The following TGFBR2 variants were observed in gnomAD, a reference collection of about 807,000 sequenced individuals.
TGFBR2 encodes TGF-beta receptor type-2.
TGFBR2 carries 18 observed loss-of-function variants against 49.0 expected under a neutral mutation model. That is an observed-to-expected ratio of 0.37 (90% CI 0.25 to 0.54). The LOEUF is 0.54. Among genes scored for constraint, TGFBR2 ranks in the 20% least tolerant of loss-of-function variants. The probability of loss-of-function intolerance (pLI) is 0.85; values close to 1 mark genes in which losing one functional copy is unlikely to be tolerated. For synonymous variants in TGFBR2, 282 were observed against 275.9 expected, an observed-to-expected ratio of 1.02 and a Z score of -0.22; for missense variants, 525 against 722.6, an observed-to-expected ratio of 0.73 and a Z score of 3.13.
chr3:30,674,047 G>A (rs1699388474), intron 4 of TGFBR2, 58 bp from the exon 5 acceptor site: 1 of 1,612,814 alleles, frequency 6.2e-7, no homozygotes, highest in Non-Finnish European at 8.5e-7. Context: ...GCTATATTGT[G>A]AAAATAAAAA....
In TGFBR2 at chr3:30,671,936, G is replaced by T. The variant is rs766766633; in HGVS notation, c.753G>T (p.Gly251=). 4.3e-6 allele frequency: 7 copies of T among 1,614,186 alleles called. No homozygotes were observed. The highest frequency in any genetic ancestry group is 5.9e-6 in the Non-Finnish European group (7 of 1,180,034). ...CCATTGAGCTGGACACCCTGGTGGG[G>T]AAAGGTCGCTTTGCTGAGGTCTATA... ...LLPIELDTLV[G]KGRFAEVYKA... The change falls in exon 4 of 7, where the codon GGG becomes GGT. Residue 251 remains glycine, a synonymous_variant. Coordinates refer to ENST00000295754, the MANE Select transcript of TGFBR2 (RefSeq NM_003242.6).
In TGFBR2 at chr3:30,672,112, C is replaced by G. The variant is rs2125435156; in HGVS notation, c.929C>G (p.Ala310Gly). ...KHENILQFLT[A>G]EERKTELGKQ... Reference sequence around the variant, plus strand: ...GAGAACATACTCCAGTTCCTGACGGCTGAGGAGCGGAAGACGGAGTTGGGG... The same window carrying G: ...GAGAACATACTCCAGTTCCTGACGGGTGAGGAGCGGAAGACGGAGTTGGGG... The change falls in exon 4 of 7, where the codon GCT becomes GGT. Residue 310 changes from alanine to glycine, a missense_variant. Ala to Gly is a moderately conservative substitution (Grantham distance 60). Around this residue, in one of 3 missense-constraint regions of TGFBR2, gnomAD observed 376 missense variants for 478.2 expected, o/e 0.79. Coordinates refer to ENST00000295754, the MANE Select transcript of TGFBR2 (RefSeq NM_003242.6). The surrounding 1 kb of genome is among the most constrained non-coding windows in gnomAD (Gnocchi z 4.5). 1 of 1,614,230 alleles carries G rather than the reference C, an allele frequency of 6.2e-7. No homozygotes were observed. The highest frequency in any genetic ancestry group is 1.1e-5 in the South Asian group (1 of 91,086).
chr3:30,647,100 G>T (rs920337268), intron 2 of TGFBR2, among the ~76,000 whole-genome samples: 1 of 152,130 alleles, frequency 6.6e-6, no homozygotes, highest in Non-Finnish European at 1.5e-5. Context: ...TCATGACCAA[G>T]GCACTCATTC....
At chr3:30,628,427 G>C (rs1348406729) in intron 1 of TGFBR2, among the ~76,000 whole-genome samples, 1 of 145,196 alleles carries the variant, frequency 6.9e-6, no homozygotes, top group Non-Finnish European at 1.5e-5. Context: ...CACCCACCTT[G>C]GTCACCTCTG....
At chr3:30,663,790 C>G (rs1699189445) in intron 3 of TGFBR2, among the ~76,000 whole-genome samples, 1 of 152,108 alleles carries the variant, frequency 6.6e-6, no homozygotes, top group African/African-American at 2.4e-5. Context: ...TATAGTAATT[C>G]ACTAAGCCAG....
At chr3:30,686,769 T>G (rs2125450148) in intron 5 of TGFBR2, among the ~76,000 whole-genome samples, 1 of 152,350 alleles carries the variant, frequency 6.6e-6, no homozygotes, top group African/African-American at 2.4e-5. Flanking sequence ...AGGCATGTTT[T>G]AGTACTGGGA....
rs750900429 is a variant in TGFBR2 at position 30,650,260 on chromosome 3, T to A, written c.264-10T>A. On this transcript the variant is annotated splice_polypyrimidine_tract_variant and intron_variant, in intron 2 of 6. Coordinates refer to ENST00000295754, the MANE Select transcript of TGFBR2 (RefSeq NM_003242.6). ...TCTCCCCTCGCTTCCAATGAATCTC[T>A]TCACTCTAGGAGAAAGAATGACGAG... The A allele has an allele frequency of 1.2e-6, 2 of 1,613,372 alleles. No individual in the cohort carries two copies. The highest frequency in any genetic ancestry group is 3.3e-5 in the Admixed American group (2 of 60,008).
chr3:30,661,660 A>C (rs1699134337), intron 3 of TGFBR2: 1 of 484,046 alleles, frequency 2.1e-6, no homozygotes, highest in African/African-American at 2.0e-5. Context: ...GTCATTTTGA[A>C]ATCAGGATGA....
chr3:30,658,828 C>T (rs897476584), intron 3 of TGFBR2, among the ~76,000 whole-genome samples: 2 of 152,194 alleles, frequency 1.3e-5, no homozygotes, highest in African/African-American at 2.4e-5. Flanking sequence ...GCTAGCAGAA[C>T]ATCTCAGCCA....
chr3:30,619,045 T>G (rs868646765), intron 1 of TGFBR2, among the ~76,000 whole-genome samples: 5 of 152,342 alleles, frequency 3.3e-5, no homozygotes, highest in South Asian at 2.1e-4. Context: ...CCAAATAATT[T>G]TATTTTCTGA....
intron 3 of TGFBR2, among the ~76,000 whole-genome samples, chr3:30,663,088 G>A (rs900186557): frequency 1.3e-5 from 2 of 152,098 alleles, no homozygotes; most frequent in Admixed American, 1.3e-4. Flanking sequence ...TATGTAACAT[G>A]CCAACAAAAT....
At chr3:30,682,532 AAG>A (rs1185824255) in intron 5 of TGFBR2, among the ~76,000 whole-genome samples, 2 of 152,152 alleles carry the variant, frequency 1.3e-5, no homozygotes, top group African/African-American at 2.4e-5. Context: ...AGTTCTTCAC[AAG>A]AGAGAGGCCC....
intron 1 of TGFBR2, among the ~76,000 whole-genome samples, chr3:30,613,248 C>T (rs1241123477): frequency 2.6e-5 from 4 of 151,470 alleles, no homozygotes; most frequent in Non-Finnish European, 2.9e-5. Flanking sequence ...TGTCCTGGGC[C>T]TTAGATGGTA....
At position 30,644,840 on chromosome 3, in the gene TGFBR2, A is replaced by G. The variant is rs1432089303; in HGVS notation, c.188A>G (p.Asn63Ser). Reference protein sequence around the residue: ...FCDVRFSTCDNQKSCMSNCSI... With the variant: ...FCDVRFSTCDSQKSCMSNCSI... ...GATGTGAGATTTTCCACCTGTGACA[A>G]CCAGAAATCCTGCATGAGCAACTGC... Residue 63 changes from asparagine (N) to serine (S), a missense_variant, in exon 2 of 7, where the codon AAC (asparagine) becomes AGC (serine). Transcript: ENST00000295754. The G allele has an allele frequency of 2.5e-6, 4 of 1,614,052 alleles. No individual in the cohort carries two copies. In the East Asian group the frequency reaches 6.7e-5, roughly 27 times the overall value.
rs375226321 is a variant in TGFBR2, at chr3:30,691,521, G to T, written c.1626G>T (p.Glu542Asp). The T allele has an allele frequency of 8.1e-6, 13 of 1,614,162 alleles. No individual in the cohort carries two copies. The highest frequency in any genetic ancestry group is 1.1e-5 in the Non-Finnish European group (13 of 1,180,014). The change falls in exon 7 of 7, where the codon GAG becomes GAT. Residue 542 changes from glutamate (E) to aspartate (D), a missense_variant. Glu to Asp is a conservative substitution (Grantham distance 45). Around this residue, in one of 3 missense-constraint regions of TGFBR2, gnomAD observed 104 missense variants for 133.4 expected, o/e 0.78. Coordinates refer to ENST00000295754, the MANE Select transcript of TGFBR2 (RefSeq NM_003242.6). ...TGGCAGAACGCTTCAGTGAGCTGGA[G>T]CATCTGGACAGGCTCTCGGGGAGGA... is the stretch of plus-strand genomic sequence containing the variant. ...QCVAERFSEL[E>D]HLDRLSGRSC...
chr3:30,674,687 A>G (rs919263348), intron 5 of TGFBR2, among the ~76,000 whole-genome samples: 1 of 151,734 alleles, frequency 6.6e-6, no homozygotes, highest in Non-Finnish European at 1.5e-5. Context: ...TGGACATGAC[A>G]TTGTTTTATT....
At position 30,688,285 on chromosome 3, in the gene TGFBR2, A is replaced by T. The variant is rs1467341140; in HGVS notation, c.1397-99A>T. ...GTAATTACGTATGTATTTGTTACTT[A>T]GTGCTTCATGCTCCCCAGCCAGGCA... On this transcript the variant is annotated intron_variant, in intron 5 of 6. Coordinates refer to ENST00000295754, the MANE Select transcript of TGFBR2 (RefSeq NM_003242.6). 5.4e-6 allele frequency: 8 copies of T among 1,490,518 alleles called. No individual in the cohort carries two copies. In the African/African-American group the frequency reaches 9.7e-5, roughly 18 times the overall value. 92.3% of individuals were successfully genotyped at this position (1,490,518 alleles called of 1,614,324 possible). A position where few individuals can be genotyped will look rare whatever the true frequency, so the allele number is the denominator to read the frequency against.
intron 3 of TGFBR2, among the ~76,000 whole-genome samples, chr3:30,659,993 C>T (rs1192649036): frequency 1.3e-5 from 2 of 152,288 alleles, no homozygotes; most frequent in East Asian, 3.9e-4. Flanking sequence ...ATCTGGATGA[C>T]TTGCCTTTGG....
chr3:30,657,769 A>G (rs1385150511), intron 3 of TGFBR2, among the ~76,000 whole-genome samples: 1 of 152,128 alleles, frequency 6.6e-6, no homozygotes, highest in African/African-American at 2.4e-5. Flanking sequence ...AAATTCCTCC[A>G]CCTGAGTCCT....
Sources: allele counts gnomAD v4.1 joint callset (sites outside exome capture counted in the v4.1 genomes callset), GRCh38; gene constraint gnomAD v4.1.1; regional missense constraint gnomAD v4.1.1; non-coding constraint Gnocchi (gnomAD v3.1); transcripts MANE v1.5; gene names NCBI Gene and HGNC (gene_info 2026-07-23, HGNC 2026-07-21).